SV2C: variants seen among roughly 807,000 people sequenced by gnomAD.
SV2C encodes the protein synaptic vesicle glycoprotein 2C.
A neutral mutation model predicts 79.7 loss-of-function variants in SV2C; 49 were observed. The ratio of observed to expected loss-of-function variants is 0.61; its 90% CI spans 0.49 to 0.78. The LOEUF (loss-of-function observed/expected upper bound fraction) is 0.78. Among genes scored for constraint, SV2C ranks in the 30% least tolerant of loss-of-function variants. The probability of loss-of-function intolerance (pLI) is 0.00; values close to 1 mark genes in which losing one functional copy is unlikely to be tolerated. For missense variants in SV2C, 833 were observed against 912.9 expected (o/e 0.91, Z 1.13); for synonymous variants, 334 against 333.2 (o/e 1.00, Z -0.03).
At chr5:76,234,854 A>C (rs1294893307) in intron 4 of SV2C, among the ~76,000 whole-genome samples, 1 of 152,172 alleles carries the variant, frequency 6.6e-6, no homozygotes, top group Non-Finnish European at 1.5e-5. Flanking sequence ...CGAGTGAGGG[A>C]TTTCACACTG....
the SV2C span, among the ~76,000 whole-genome samples, chr5:75,993,886 G>A: frequency 6.6e-6 from 1 of 151,974 alleles, no homozygotes; most frequent in African/African-American, 2.4e-5. Context: ...ATCTTTCCTG[G>A]GCCAATAGCC....
intron 2 of SV2C, among the ~76,000 whole-genome samples, chr5:76,165,195 A>G (rs1428316378): frequency 6.6e-6 from 1 of 152,204 alleles, no homozygotes; most frequent in African/African-American, 2.4e-5. Flanking sequence ...TAGCAATAGT[A>G]CAACATTCCT....
intron 12 of SV2C, among the ~76,000 whole-genome samples, chr5:76,306,710 G>C (rs1028131670): frequency 5.9e-5 from 9 of 152,098 alleles, no homozygotes; most frequent in Non-Finnish European, 8.8e-5. Flanking sequence ...AGGGCAGGAG[G>C]GGGTTGAAAC....
chr5:75,852,085 G>A, the SV2C span, among the ~76,000 whole-genome samples: 3 of 152,122 alleles, frequency 2.0e-5, no homozygotes, highest in Non-Finnish European at 2.9e-5. Context: ...ACCACCGCAT[G>A]TTCTCACTTA....
rs190550039 is a variant in SV2C at position 76,273,534 on chromosome 5, C to A, written c.914-11628C>A. 2.4e-4 allele frequency among the ~76,000 whole-genome samples: 36 copies of A among 152,228 alleles called. No homozygotes were observed. In the East Asian group the frequency reaches 5.4e-3, roughly 23 times the overall value. ...ATGAATTTGTGAGTTTCAAAAGCCA[C>A]CAGAAAATGTGCTTCTTCGAAAGCA... On this transcript the variant is annotated intron_variant, in intron 4 of 12. Transcript: ENST00000502798.
chr5:76,135,981 C>T (rs1256834080), intron 2 of SV2C, among the ~76,000 whole-genome samples: 2 of 152,220 alleles, frequency 1.3e-5, no homozygotes, highest in African/African-American at 4.8e-5. Flanking sequence ...CACTCACTGG[C>T]TTATTTCCTC....
intron 4 of SV2C, among the ~76,000 whole-genome samples, chr5:76,251,006 C>G (rs1478181610): frequency 6.6e-6 from 1 of 152,118 alleles, no homozygotes. Flanking sequence ...TATTGTTTCC[C>G]CGACCCACTG....
intron 10 of SV2C, among the ~76,000 whole-genome samples, chr5:76,300,421 A>G (rs1369933614): frequency 6.6e-6 from 1 of 152,132 alleles, no homozygotes; most frequent in African/African-American, 2.4e-5. Flanking sequence ...TAATATTGTA[A>G]AGGAGTAAGC....
the SV2C span, among the ~76,000 whole-genome samples, chr5:76,004,471 C>A: frequency 6.6e-6 from 1 of 152,142 alleles, no homozygotes; most frequent in South Asian, 2.1e-4. Flanking sequence ...AGCATATAGA[C>A]TGGTCCTTGT....
intron 10 of SV2C, 97 bp from the exon 11 acceptor site, chr5:76,300,632 C>A: frequency 7.7e-7 from 1 of 1,306,910 alleles, no homozygotes; most frequent in African/African-American, 1.5e-5. Context: ...AAGGAATTTA[C>A]AATACTGGTT....
At chr5:75,963,298 T>A in the SV2C span, among the ~76,000 whole-genome samples, 1 of 152,144 alleles carries the variant, frequency 6.6e-6, no homozygotes, top group Non-Finnish European at 1.5e-5. Context: ...TTACCTCCAT[T>A]TTGCTTGAGT....
chr5:76,079,144 G>A, upstream of SV2C: 1 of 335,464 alleles, frequency 3.0e-6, no homozygotes, highest in Non-Finnish European at 6.0e-6. Context: ...GAAGCAATTT[G>A]GAAATATTCT....
intron 4 of SV2C, among the ~76,000 whole-genome samples, chr5:76,218,716 A>G (rs140767214): frequency 5.3e-5 from 8 of 152,096 alleles, no homozygotes; most frequent in African/African-American, 1.9e-4. Flanking sequence ...GTATAACTAT[A>G]TAACAAACCT....
chr5:76,038,910 C>G, the SV2C span, among the ~76,000 whole-genome samples: 1 of 152,176 alleles, frequency 6.6e-6, no homozygotes, highest in Non-Finnish European at 1.5e-5. Context: ...TCAGATAAGC[C>G]ATGGGAAACT....
At position 76,264,177 on chromosome 5, in the gene SV2C, A is replaced by G. The variant is rs189357523; in HGVS notation, c.914-20985A>G. On this transcript the variant is annotated intron_variant, in intron 4 of 12. Transcript: ENST00000502798. ...ATCTTGTCTTCACACCTATTTCAGT[A>G]AGTTGATCTTCAGTCTCTGATACCC... Among the ~76,000 whole-genome samples the G allele has an allele frequency of 1.1e-3, 162 of 151,730 alleles. 1 individual carries two copies. The highest frequency in any genetic ancestry group is 7.4e-4 in the Non-Finnish European group (50 of 67,942).
At chr5:76,208,887 C>T (rs537226812) in intron 3 of SV2C, among the ~76,000 whole-genome samples, 1 of 152,176 alleles carries the variant, frequency 6.6e-6, no homozygotes, top group African/African-American at 2.4e-5. Context: ...AGTTTTAGGG[C>T]CAAGACCTAT....
intron 1 of SV2C, among the ~76,000 whole-genome samples, chr5:76,113,053 CAAGTAT>C (rs1469620358): frequency 1.3e-5 from 2 of 152,188 alleles, no homozygotes; most frequent in African/African-American, 4.8e-5. Flanking sequence ...GCATCTAGCA[CAAGTAT>C]AAGTTTGCAA....
chr5:76,187,042 G>A (rs1312975657), intron 2 of SV2C, among the ~76,000 whole-genome samples: 1 of 152,198 alleles, frequency 6.6e-6, no homozygotes, highest in Non-Finnish European at 1.5e-5. Flanking sequence ...AACCTCGCAA[G>A]GGATGGGGAT....
intron 12 of SV2C, among the ~76,000 whole-genome samples, chr5:76,349,304 G>A (rs1398044148): frequency 6.6e-6 from 1 of 152,198 alleles, no homozygotes; most frequent in African/African-American, 2.4e-5. Flanking sequence ...GTGAGGTTAG[G>A]AGTTCGAGAC....
Sources: gnomAD v4.1 joint callset for allele counts (sites outside exome capture counted in the v4.1 genomes callset) on GRCh38, gnomAD v4.1.1 for gene constraint, MANE v1.5 for transcripts, NCBI Gene and HGNC (gene_info 2026-07-23, HGNC 2026-07-21) for gene names.